Variants in EYS observed in about 807,000 individuals in gnomAD.
EYS encodes the protein EGF-like photoreceptor maintenance factor, also known as protein eyes shut homolog.
Under a neutral mutation model 282.1 loss-of-function variants are expected in EYS, and 250 were observed. That is an observed-to-expected ratio of 0.89 (90% CI 0.80 to 0.98). The LOEUF is 0.98. Among genes scored for constraint, EYS ranks in the 50% least tolerant of loss-of-function variants. The pLI is 0.00. For synonymous variants in EYS, 1,355 were observed against 1,282.9 expected, an observed-to-expected ratio of 1.06 and a Z score of -1.20; for missense variants, 4,016 against 3,709.0, an observed-to-expected ratio of 1.08 and a Z score of -2.15.
chr6:65,548,807 T>G (rs1249589809), intron 2 of EYS, among the ~76,000 whole-genome samples: 4 of 152,194 alleles, frequency 2.6e-5, no homozygotes, highest in Non-Finnish European at 1.5e-5. Flanking sequence ...CACAGACAAT[T>G]CAACTCAAAC....
intron 40 of EYS, among the ~76,000 whole-genome samples, chr6:63,777,415 A>T (rs1384130344): frequency 6.6e-6 from 1 of 152,188 alleles, no homozygotes; most frequent in Non-Finnish European, 1.5e-5. Flanking sequence ...TAAGAAATTT[A>T]TGAGTAGCTA....
intron 22 of EYS, among the ~76,000 whole-genome samples, chr6:64,652,548 C>T (rs1768600921): frequency 6.6e-6 from 1 of 152,152 alleles, no homozygotes; most frequent in South Asian, 2.1e-4. Flanking sequence ...ACTACAACCC[C>T]AACAAACACT....
chr6:64,287,352 G>A (rs901152940), intron 30 of EYS, among the ~76,000 whole-genome samples: 1 of 151,998 alleles, frequency 6.6e-6, no homozygotes, highest in Admixed American at 6.6e-5. Context: ...ATATTAAAAT[G>A]ATGCTATTTT....
rs539706720 is a variant in EYS, at chr6:65,510,767, A to C, written c.-332-14774T>G. On this transcript the variant is annotated intron_variant, in intron 2 of 42. Coordinates refer to ENST00000503581, the MANE Select transcript of EYS (RefSeq NM_001142800.2). ...AGTTTTCATTCATTTAGATGTATCA[A>C]AATAAGGCATGTATGTGTGTTGTTG... is the stretch of plus-strand genomic sequence containing the variant. 1.4e-4 allele frequency among the ~76,000 whole-genome samples: 21 copies of C among 152,346 alleles called. No homozygotes were observed. The East Asian group carries it at 3.9e-3, about 28-fold the overall frequency.
At chr6:65,329,310 A>G (rs573574333) in intron 11 of EYS, 1 of 820,544 alleles carries the variant, frequency 1.2e-6, no homozygotes, top group Non-Finnish European at 1.5e-6. Flanking sequence ...GAAGTTTGTT[A>G]TAATAATTTT....
In EYS at chr6:64,720,950, A is replaced by G. The variant is rs76642868; in HGVS notation, c.3443+92428T>C. Among the ~76,000 whole-genome samples, 587 of 152,344 alleles carry G rather than the reference A, an allele frequency of 3.9e-3. 6 individuals carry two copies. Among genetic ancestry groups the G allele is most frequent in the African/African-American group, 0.013 (551 of 41,588 alleles). ...TCATAAGCATGCCATATTATTAAGCATGTTTTGAGATCTAAAACCAGTTAG... is the reference window on the plus strand; with the variant it reads ...TCATAAGCATGCCATATTATTAAGCGTGTTTTGAGATCTAAAACCAGTTAG... On this transcript the variant is annotated intron_variant, in intron 22 of 42. Coordinates refer to ENST00000503581, the MANE Select transcript of EYS (RefSeq NM_001142800.2).
intron 22 of EYS, among the ~76,000 whole-genome samples, chr6:64,799,009 C>T (rs886386757): frequency 2.0e-5 from 3 of 151,840 alleles, no homozygotes; most frequent in Admixed American, 1.3e-4. Flanking sequence ...CCAGATAAAC[C>T]TCTCCCAAAA....
At chr6:64,068,932 C>T (rs535460661) in intron 32 of EYS, among the ~76,000 whole-genome samples, 66 of 151,790 alleles carry the variant, frequency 4.3e-4, no homozygotes, top group African/African-American at 1.1e-3. Flanking sequence ...TATATTATCT[C>T]GGTGGGCCTT....
At chr6:64,810,508 A>G (rs978101032) in intron 22 of EYS, among the ~76,000 whole-genome samples, 4 of 152,138 alleles carry the variant, frequency 2.6e-5, no homozygotes, top group Non-Finnish European at 5.9e-5. Flanking sequence ...GAATCTTACA[A>G]CACAACAAAA....
At chr6:64,240,303 T>C (rs979665270) in intron 30 of EYS, among the ~76,000 whole-genome samples, 1 of 152,226 alleles carries the variant, frequency 6.6e-6, no homozygotes, top group Non-Finnish European at 1.5e-5. Flanking sequence ...AAGTCAATGA[T>C]AGCTTGATAG....
At chr6:65,323,465 A>G (rs1243587790) in intron 11 of EYS, among the ~76,000 whole-genome samples, 1 of 152,210 alleles carries the variant, frequency 6.6e-6, no homozygotes, top group Non-Finnish European at 1.5e-5. Flanking sequence ...CTTTGAGCAT[A>G]TATGTAATAA....
At chr6:64,303,464 G>A (rs776052849) in intron 30 of EYS, among the ~76,000 whole-genome samples, 8 of 152,180 alleles carry the variant, frequency 5.3e-5, no homozygotes, top group Non-Finnish European at 1.2e-4. Flanking sequence ...AACAGAAAAG[G>A]GGGAGATACA....
chr6:65,618,226 A>C (rs1483842421), intron 2 of EYS, among the ~76,000 whole-genome samples: 9 of 152,152 alleles, frequency 5.9e-5, no homozygotes, highest in Non-Finnish European at 1.0e-4. Context: ...TGTTTCCTGA[A>C]TTTTTAATGA....
At chr6:64,672,143 G>A (rs1285891376) in intron 22 of EYS, among the ~76,000 whole-genome samples, 4 of 152,124 alleles carry the variant, frequency 2.6e-5, no homozygotes, top group Non-Finnish European at 5.9e-5. Context: ...TTTAGCTTGT[G>A]AGATTTTTCT....
At chr6:64,588,329 C>T (rs1170215271) in intron 26 of EYS, among the ~76,000 whole-genome samples, 1 of 152,054 alleles carries the variant, frequency 6.6e-6, no homozygotes, top group Admixed American at 6.6e-5. Context: ...TCAACATTTG[C>T]TCTTCCCGAT....
At chr6:63,748,106 T>A (rs72886338) in intron 41 of EYS, among the ~76,000 whole-genome samples, 307 of 152,298 alleles carry the variant, frequency 2.0e-3, no homozygotes, top group Middle Eastern at 6.8e-3. Flanking sequence ...TTTTCCACAT[T>A]TAGTGCTTCC....
intron 15 of EYS, among the ~76,000 whole-genome samples, chr6:64,928,544 T>C (rs1198519942): frequency 6.6e-6 from 1 of 152,144 alleles, no homozygotes; most frequent in Non-Finnish European, 1.5e-5. Flanking sequence ...GCTGAATATG[T>C]CTGCATCATT....
chr6:65,287,503 T>C (rs1768398996), intron 12 of EYS, among the ~76,000 whole-genome samples: 1 of 151,520 alleles, frequency 6.6e-6, no homozygotes, highest in Non-Finnish European at 1.5e-5. Context: ...ATTAAATTCC[T>C]GCACATAACC....
At position 64,081,963 on chromosome 6, in the gene EYS, T is replaced by C. The variant is rs1294646667; in HGVS notation, c.6464A>G (p.Tyr2155Cys). 1.3e-6 allele frequency: 2 copies of C among 1,544,738 alleles called. No individual in the cohort carries two copies. The highest frequency in any genetic ancestry group is 2.0e-5 in the Admixed American group (1 of 50,888). The change falls in exon 32 of 43, where the codon TAT (tyrosine) becomes TGT (cysteine). Residue 2155 changes from tyrosine (Y) to cysteine (C), a missense_variant. Transcript: ENST00000503581. ...LFFPSFNGNS[Y>C]LELPFLKFVL... ...AAACTTCAAAAAGGGCAGTTCTAAA[T>C]AGGAATTCCCATTGAAAGATGGAAA...
Sources: gnomAD v4.1 joint callset for allele counts (sites outside exome capture counted in the v4.1 genomes callset) on GRCh38, gnomAD v4.1.1 for gene constraint, MANE v1.5 for transcripts, NCBI Gene and HGNC (gene_info 2026-07-23, HGNC 2026-07-21) for gene names.